The following DOP1B variants were observed in gnomAD, a reference collection of about 807,000 sequenced individuals.
DOP1B encodes DOP1 leucine zipper like protein B.
Under a neutral mutation model 233.5 loss-of-function variants are expected in DOP1B, and 174 were observed. The observed-to-expected ratio is 0.75, with a 90% CI of 0.66 to 0.85. DOP1B has a LOEUF of 0.85. Among genes scored for constraint, DOP1B ranks in the 40% least tolerant of loss-of-function variants. The pLI is 0.00. For missense variants in DOP1B, 2,652 were observed against 2,846.6 expected (o/e 0.93, Z 1.56); for synonymous variants, 1,190 against 1,185.6 (o/e 1.00, Z -0.08).
chr21:36,166,425 A>G (rs544741025), intron 2 of DOP1B, among the ~76,000 whole-genome samples: 29 of 151,638 alleles, frequency 1.9e-4, no homozygotes, highest in Non-Finnish European at 4.3e-4. Flanking sequence ...TGACAGAGCA[A>G]GACTCCGTCT....
intron 26 of DOP1B, among the ~76,000 whole-genome samples, chr21:36,265,838 G>A (rs2067224839): frequency 6.6e-6 from 1 of 152,090 alleles, no homozygotes; most frequent in Non-Finnish European, 1.5e-5. Flanking sequence ...TCGTAACATA[G>A]AATCCTTCTG....
intron 5 of DOP1B, among the ~76,000 whole-genome samples, chr21:36,211,028 G>A (rs542483695): frequency 4.6e-5 from 7 of 152,096 alleles, no homozygotes; most frequent in African/African-American, 1.4e-4. Flanking sequence ...GCCCTTCTTC[G>A]AGGTCTCAGT....
At chr21:36,251,362 T>G in intron 22 of DOP1B, 78 bp downstream of exon 22, 1 of 1,528,404 alleles carries the variant, frequency 6.5e-7, no homozygotes, top group South Asian at 1.3e-5. Flanking sequence ...GAATCAAAGG[T>G]GACATTGGAA....
chr21:36,165,920 T>C (rs574837565), intron 2 of DOP1B, among the ~76,000 whole-genome samples: 57 of 150,838 alleles, frequency 3.8e-4, no homozygotes, highest in African/African-American at 1.4e-3. Context: ...TTTCACCATG[T>C]TGGCCAGGCT....
At chr21:36,191,436 C>T (rs1442875918) in intron 2 of DOP1B, among the ~76,000 whole-genome samples, 1 of 152,128 alleles carries the variant, frequency 6.6e-6, no homozygotes, top group African/African-American at 2.4e-5. Flanking sequence ...AAATGAGTCC[C>T]ACTCTTCTCT....
intron 2 of DOP1B, among the ~76,000 whole-genome samples, chr21:36,196,444 A>G (rs932897558): frequency 1.3e-5 from 2 of 151,278 alleles, no homozygotes; most frequent in African/African-American, 2.4e-5. Flanking sequence ...ATCCACGTTC[A>G]TTCCTTCTCT....
At chr21:36,160,345 T>C (rs1384065202) in intron 1 of DOP1B, among the ~76,000 whole-genome samples, 2 of 152,090 alleles carry the variant, frequency 1.3e-5, no homozygotes, top group Non-Finnish European at 2.9e-5. Flanking sequence ...TGCAGTATAT[T>C]TTTGCAGAGA....
intron 5 of DOP1B, among the ~76,000 whole-genome samples, chr21:36,210,872 C>A (rs1331399143): frequency 1.3e-5 from 2 of 152,188 alleles, no homozygotes; most frequent in African/African-American, 4.8e-5. Context: ...AGTCCAAGCT[C>A]AAGAGCATTC....
chr21:36,178,280 C>T (rs1328174889), intron 2 of DOP1B, among the ~76,000 whole-genome samples: 3 of 152,112 alleles, frequency 2.0e-5, no homozygotes, highest in African/African-American at 7.2e-5. Context: ...CACTTGAGCC[C>T]AGGAGTTTGA....
At chr21:36,173,197 G>A (rs2065988643) in intron 2 of DOP1B, among the ~76,000 whole-genome samples, 1 of 152,058 alleles carries the variant, frequency 6.6e-6, no homozygotes, top group Non-Finnish European at 1.5e-5. Context: ...CAAAAGCTTA[G>A]GGTCAACATT....
intron 36 of DOP1B, 86 bp downstream of exon 36, chr21:36,292,319 C>A (rs1013857327): frequency 2.7e-6 from 3 of 1,117,256 alleles, no homozygotes; most frequent in African/African-American, 3.3e-5. Context: ...TGCAGTGGTG[C>A]GGTCTTCGCT....
intron 36 of DOP1B, 115 bp from the exon 37 acceptor site, chr21:36,293,205 C>CA (rs3989100): frequency 0.024 from 24,685 of 1,024,576 alleles, 6 homozygotes; most frequent in East Asian, 0.035. Flanking sequence ...GACTCTGTCT[C>CA]AAAAAAAAAA....
At chr21:36,188,525 C>A (rs929023610) in intron 2 of DOP1B, among the ~76,000 whole-genome samples, 1 of 148,086 alleles carries the variant, frequency 6.8e-6, no homozygotes, top group African/African-American at 2.4e-5. Flanking sequence ...AACAGTGCCC[C>A]CTGGCAGGTG....
intron 32 of DOP1B, among the ~76,000 whole-genome samples, chr21:36,286,635 CAA>C (rs879297924): frequency 1.8e-4 from 14 of 76,536 alleles, no homozygotes; most frequent in East Asian, 1.7e-3. Context: ...GACTCCATCT[CAA>C]AAACACACAC....
intron 35 of DOP1B, among the ~76,000 whole-genome samples, chr21:36,289,896 A>T (rs1569074379): frequency 6.6e-6 from 1 of 152,164 alleles, no homozygotes; most frequent in Non-Finnish European, 1.5e-5. Context: ...GGGGAGAGGG[A>T]GGCAGGGATG....
chr21:36,246,444 G>A lies in DOP1B; in HGVS notation c.4464G>A (p.Val1488=). ...FQQAISALQY[V]QPHPLTSQGL... Reference sequence around the variant, plus strand: ...AGGCCATCAGCGCCCTGCAGTACGTGCAGCCCCACCCCCTCACCTCCCAGG... The same window carrying A: ...AGGCCATCAGCGCCCTGCAGTACGTACAGCCCCACCCCCTCACCTCCCAGG... The change falls in exon 19 of 37, where the codon GTG becomes GTA. Residue 1488 remains valine (V), a synonymous_variant. Coordinates refer to ENST00000691173, the MANE Select transcript of DOP1B (RefSeq NM_001320714.2). The surrounding 1 kb of genome is among the most constrained non-coding windows in gnomAD (Gnocchi z 5.1). The A allele has an allele frequency of 1.2e-6, 2 of 1,613,756 alleles. No homozygotes were observed.
chr21:36,222,014 G>A (rs926332663), intron 10 of DOP1B, among the ~76,000 whole-genome samples: 13 of 152,110 alleles, frequency 8.5e-5, no homozygotes, highest in Admixed American at 7.9e-4. Context: ...TGGGATTACA[G>A]ATGCCCACTA....
rs1240179537 is a variant in DOP1B at position 36,239,777 on chromosome 21, C to T, written c.2889C>T (p.Val963=). 4.6e-6 allele frequency: 7 copies of T among 1,537,354 alleles called. No homozygotes were observed. The highest frequency in any genetic ancestry group is 4.1e-5 in the Admixed American group (2 of 48,988). The change falls in exon 18 of 37, where the codon GTC becomes GTT. Residue 963 remains valine, a synonymous_variant. Transcript: ENST00000691173. ...HNRSFDRSLF[V]VLDSLACTDG... is the part of the protein sequence containing the mutation. Reference sequence around the variant, plus strand: ...TTTCCCACTGCAGGTCCTTGTTTGTCGTGCTGGACAGCCTGGCCTGCACGG... The same window carrying T: ...TTTCCCACTGCAGGTCCTTGTTTGTTGTGCTGGACAGCCTGGCCTGCACGG...
chr21:36,271,285 A>G (rs12482549), intron 27 of DOP1B, among the ~76,000 whole-genome samples: 1 of 130,384 alleles, frequency 7.7e-6, no homozygotes, highest in African/African-American at 4.0e-5. Context: ...GAGTTCACCC[A>G]GGTTGGAGTT....
Sources: gnomAD v4.1 joint callset for allele counts (sites outside exome capture counted in the v4.1 genomes callset) on GRCh38, gnomAD v4.1.1 for gene constraint, Gnocchi (gnomAD v3.1) non-coding constraint, MANE v1.5 for transcripts, NCBI Gene and HGNC (gene_info 2026-07-23, HGNC 2026-07-21) for gene names.